The following TOX variants were observed in gnomAD, a reference collection of about 807,000 sequenced individuals.
TOX encodes the protein thymocyte selection associated high mobility group box.
In TOX, 11 loss-of-function variants were observed where a neutral mutation model predicts 53.7. The observed-to-expected ratio is 0.20, with a 90% CI of 0.13 to 0.34. TOX has a LOEUF of 0.34. Ranked by LOEUF, TOX falls within the 10% of genes least tolerant of loss-of-function variation. The pLI, the probability that TOX is intolerant of heterozygous loss-of-function variation, is 1.00. For synonymous variants in TOX, 225 were observed against 245.3 expected, an observed-to-expected ratio of 0.92 and a Z score of 0.77; for missense variants, 570 against 664.6, an observed-to-expected ratio of 0.86 and a Z score of 1.56.
chr8:58,865,501 C>G (rs1299478950), intron 3 of TOX, among the ~76,000 whole-genome samples: 2 of 151,128 alleles, frequency 1.3e-5, no homozygotes, highest in African/African-American at 4.9e-5. Flanking sequence ...TGTTAAATAC[C>G]TGATTCTCAA....
At chr8:58,911,296 A>G (rs1399146464) in intron 3 of TOX, among the ~76,000 whole-genome samples, 1 of 152,164 alleles carries the variant, frequency 6.6e-6, no homozygotes, top group African/African-American at 2.4e-5. Flanking sequence ...ACCTGGAGAG[A>G]TTGTTAGAAA....
chr8:59,092,114 T>G (rs183084296), intron 1 of TOX, among the ~76,000 whole-genome samples: 2,334 of 150,454 alleles, frequency 0.016, 66 homozygotes, highest in African/African-American at 0.054. Flanking sequence ...TAGCTGGGAA[T>G]GGTGGTGGGC....
chr8:58,822,122 A>G (rs1810291561), intron 6 of TOX, among the ~76,000 whole-genome samples: 1 of 152,248 alleles, frequency 6.6e-6, no homozygotes, highest in South Asian at 2.1e-4. Flanking sequence ...TTGTTTAACA[A>G]TTCAAGAGTT....
chr8:59,078,532 T>G (rs1438437168), intron 1 of TOX, among the ~76,000 whole-genome samples: 1 of 152,234 alleles, frequency 6.6e-6, no homozygotes, highest in Non-Finnish European at 1.5e-5. Context: ...CCACCATGAT[T>G]GTAAGCTTCC....
intron 6 of TOX, among the ~76,000 whole-genome samples, chr8:58,825,656 T>G (rs917240776): frequency 6.6e-6 from 1 of 152,244 alleles, no homozygotes; most frequent in African/African-American, 2.4e-5. Flanking sequence ...GAGAATTAAC[T>G]TTTTAAAAGC....
At chr8:59,103,296 A>C (rs1360696842) in intron 1 of TOX, among the ~76,000 whole-genome samples, 1 of 152,226 alleles carries the variant, frequency 6.6e-6, no homozygotes, top group East Asian at 1.9e-4. Flanking sequence ...TGTGGTAAAG[A>C]TGACCTAATA....
intron 5 of TOX, among the ~76,000 whole-genome samples, chr8:58,836,753 T>C (rs1039177396): frequency 3.3e-5 from 5 of 152,226 alleles, no homozygotes; most frequent in African/African-American, 4.8e-5. Flanking sequence ...AGGAAAAGCA[T>C]TGTAAGTTGA....
At chr8:58,897,903 A>C (rs1358161998) in intron 3 of TOX, among the ~76,000 whole-genome samples, 1 of 152,122 alleles carries the variant, frequency 6.6e-6, no homozygotes, top group East Asian at 1.9e-4. Context: ...AAAATTTTTT[A>C]ATTAAAGTTT....
At chr8:58,951,876 C>T (rs561975480) in intron 2 of TOX, among the ~76,000 whole-genome samples, 33 of 152,300 alleles carry the variant, frequency 2.2e-4, no homozygotes, top group African/African-American at 7.9e-4. Flanking sequence ...AGAACATTTT[C>T]TAAGATAGCC....
chr8:58,923,157 T>C (rs1257221343), intron 3 of TOX, among the ~76,000 whole-genome samples: 5 of 152,090 alleles, frequency 3.3e-5, no homozygotes, highest in Admixed American at 3.3e-4. Context: ...CTAATTAATA[T>C]ATGCTAAAAA....
At chr8:58,874,587 G>A (rs1585873535) in intron 3 of TOX, among the ~76,000 whole-genome samples, 3 of 152,084 alleles carry the variant, frequency 2.0e-5, no homozygotes, top group African/African-American at 7.2e-5. Context: ...TCTCAATAGA[G>A]GTTGCAAACA....
chr8:59,078,954 G>A (rs558682831), intron 1 of TOX, among the ~76,000 whole-genome samples: 9 of 152,206 alleles, frequency 5.9e-5, no homozygotes, highest in Non-Finnish European at 7.3e-5. Flanking sequence ...TGTGGTATGC[G>A]TTAGCTAGCA....
At chr8:59,015,737 C>CA (rs1199973630) in intron 1 of TOX, among the ~76,000 whole-genome samples, 1 of 151,956 alleles carries the variant, frequency 6.6e-6, no homozygotes, top group Non-Finnish European at 1.5e-5. Context: ...AAGATGATTG[C>CA]AAAAATGTGA....
chr8:58,960,294 T>G (rs563675923), intron 1 of TOX, among the ~76,000 whole-genome samples: 4 of 152,148 alleles, frequency 2.6e-5, no homozygotes, highest in Non-Finnish European at 5.9e-5. Context: ...CAATCTGTTT[T>G]AAAACAAAAT....
At chr8:59,042,965 C>T (rs1422071533) in intron 1 of TOX, among the ~76,000 whole-genome samples, 1 of 152,044 alleles carries the variant, frequency 6.6e-6, no homozygotes, top group African/African-American at 2.4e-5. Context: ...AATGTATTCT[C>T]AACAATTGAG....
intron 1 of TOX, among the ~76,000 whole-genome samples, chr8:59,064,162 C>T (rs1197918786): frequency 1.3e-5 from 2 of 152,064 alleles, no homozygotes; most frequent in Admixed American, 6.6e-5. Flanking sequence ...GTCTGAAATG[C>T]TAAAAATGAA....
chr8:58,978,602 C>A (rs991555335), intron 1 of TOX, among the ~76,000 whole-genome samples: 3 of 152,148 alleles, frequency 2.0e-5, no homozygotes, highest in African/African-American at 4.8e-5. Context: ...ACTTTAAGAG[C>A]AGCTTTAGGT....
At chr8:59,010,083 T>C (rs1813873444) in intron 1 of TOX, among the ~76,000 whole-genome samples, 1 of 152,154 alleles carries the variant, frequency 6.6e-6, no homozygotes, top group Admixed American at 6.5e-5. Context: ...ATCTTCAAAG[T>C]TTATATCTAA....
intron 1 of TOX, among the ~76,000 whole-genome samples, chr8:59,113,534 T>C (rs945659146): frequency 5.3e-5 from 8 of 152,100 alleles, no homozygotes; most frequent in Non-Finnish European, 1.0e-4. Context: ...AGAATGGATA[T>C]GTTCGCATGA....
Sources: allele counts gnomAD v4.1 joint callset (sites outside exome capture counted in the v4.1 genomes callset), GRCh38; gene constraint gnomAD v4.1.1; transcripts MANE v1.5; gene names NCBI Gene and HGNC (gene_info 2026-07-23, HGNC 2026-07-21).